Variants in SIPA1L3 observed in about 807,000 individuals in gnomAD.
SIPA1L3 encodes signal induced proliferation associated 1 like 3.
In SIPA1L3, 59 loss-of-function variants were observed where a neutral mutation model predicts 150.1. That is an observed-to-expected ratio of 0.39 (90% CI 0.32 to 0.49). The LOEUF (loss-of-function observed/expected upper bound fraction) is 0.49. SIPA1L3 is among the 20% of genes least tolerant of loss of function. SIPA1L3 has a pLI of 0.86. For synonymous variants in SIPA1L3, 1,070 were observed against 1,077.6 expected (o/e 0.99, Z 0.14); for missense variants, 2,211 against 2,489.5 (o/e 0.89, Z 2.38).
At chr19:37,924,433 T>C (rs4802147) in intron 1 of SIPA1L3, among the ~76,000 whole-genome samples, 53,968 of 145,870 alleles carry the variant, frequency 0.37, 12,769 homozygotes, top group East Asian at 0.7. Context: ...TTTTTTTGTA[T>C]ATAAGTAGAA....
chr19:38,141,221 C>T lies in SIPA1L3; in HGVS notation c.3181C>T (p.Pro1061Ser), dbSNP rs771595245. 3.1e-6 allele frequency: 5 copies of T among 1,612,022 alleles called. No individual in the cohort carries two copies. In the African/African-American group the frequency reaches 5.3e-5, roughly 17 times the overall value. ...GACCTACGACATGAATACCTCGGAG[C>T]CCAAGACGGAGCAGGAAAGCATCAC... is the stretch of plus-strand genomic sequence containing the variant. The part of the protein sequence containing the change: ...PETYDMNTSE[P>S]KTEQESITPG... Residue 1061 changes from proline to serine, a missense_variant, in exon 11 of 22, where the codon CCC (proline) becomes TCC (serine). Pro to Ser is a moderately conservative substitution (Grantham distance 74). This residue lies in a region of SIPA1L3 where 625 missense variants were observed against 804.2 expected (regional missense o/e 0.78). Transcript: ENST00000222345.
chr19:38,058,885 G>A (rs1470278905), intron 2 of SIPA1L3, among the ~76,000 whole-genome samples: 13 of 152,130 alleles, frequency 8.5e-5, no homozygotes, highest in African/African-American at 2.7e-4. Context: ...TTAGCCAGGC[G>A]TGGTGGTGCA....
intron 15 of SIPA1L3, among the ~76,000 whole-genome samples, chr19:38,180,841 G>A (rs556335105): frequency 4.5e-4 from 68 of 152,190 alleles, no homozygotes; most frequent in Admixed American, 1.6e-3. Flanking sequence ...CACCGCGCCC[G>A]GCCAGCATTT....
chr19:38,030,642 A>ATATATATGTATATATATATG (rs1568510522), intron 2 of SIPA1L3, among the ~76,000 whole-genome samples: 31 of 75,326 alleles, frequency 4.1e-4, no homozygotes, highest in African/African-American at 1.2e-3. Context: ...ATATATATAT[A>ATATATATGTATATATATATG]TATATATATG....
Position 38,082,615 on chromosome 19 carries a change from C to A in SIPA1L3, c.1050C>A (p.Phe350Leu). The A allele has an allele frequency of 6.2e-7, 1 of 1,604,484 alleles. No individual in the cohort carries two copies. The highest frequency in any genetic ancestry group is 8.5e-7 in the Non-Finnish European group (1 of 1,179,760). Residue 350 changes from phenylalanine to leucine, a missense_variant, in exon 3 of 22, where the codon TTC becomes TTA. By Grantham distance (22) the Phe-to-Leu change is conservative. Transcript: ENST00000222345. ...FAHFDVQSMLFDLNEAAANRV... is the reference protein window; with the variant it reads ...FAHFDVQSMLLDLNEAAANRV... Reference sequence around the variant, plus strand: ...ACTTCGACGTGCAGAGCATGCTGTTCGACCTCAACGAGGCGGCCGCCAACA... The same window carrying A: ...ACTTCGACGTGCAGAGCATGCTGTTAGACCTCAACGAGGCGGCCGCCAACA...
intron 7 of SIPA1L3, 22 bp from the exon 8 acceptor site, chr19:38,110,205 C>A (rs752850894): frequency 6.2e-7 from 1 of 1,612,096 alleles, no homozygotes; most frequent in Middle Eastern, 1.7e-4. Context: ...GGTTCCTGTC[C>A]CCCTCTGTTG....
chr19:38,141,706 G>T (rs1971590120), intron 11 of SIPA1L3, among the ~76,000 whole-genome samples: 1 of 152,194 alleles, frequency 6.6e-6, no homozygotes, highest in Non-Finnish European at 1.5e-5. Context: ...TTTTAGGCTG[G>T]GCACGGTGGC....
Position 38,119,470 on chromosome 19 carries a change from G to A in SIPA1L3, c.2456G>A (p.Arg819Lys). 1 of 1,614,208 alleles carries A rather than the reference G, an allele frequency of 6.2e-7. No homozygotes were observed. The highest frequency in any genetic ancestry group is 1.1e-5 in the South Asian group (1 of 91,080). Residue 819 changes from arginine (R) to lysine (K), a missense_variant, in exon 9 of 22, where the codon AGG becomes AAG. By Grantham distance (26) the Arg-to-Lys change is conservative. Transcript: ENST00000222345. ...GACAAGTTCCACACCATGGCCACCA[G>A]GACCCGCCAGGAGTATCTCAAGGAC... ...KSDKFHTMAT[R>K]TRQEYLKDLA...
At chr19:37,918,018 G>T (rs967415044) in intron 1 of SIPA1L3, among the ~76,000 whole-genome samples, 5 of 151,554 alleles carry the variant, frequency 3.3e-5, no homozygotes, top group African/African-American at 1.2e-4. Context: ...AAAAAAAGAA[G>T]TCCCAGTTTG....
intron 1 of SIPA1L3, among the ~76,000 whole-genome samples, chr19:37,943,036 T>C (rs1311445126): frequency 8.1e-5 from 11 of 136,314 alleles, no homozygotes; most frequent in East Asian, 7.2e-4. Flanking sequence ...CTCTCTCTCT[T>C]TTTTTTTTTT....
intron 8 of SIPA1L3, among the ~76,000 whole-genome samples, chr19:38,116,585 C>T (rs1428597663): frequency 6.6e-6 from 1 of 150,874 alleles, no homozygotes; most frequent in Non-Finnish European, 1.5e-5. Context: ...CGGTGGCTCA[C>T]ACCTGTAATG....
chr19:37,949,803 G>A (rs1339585225), intron 1 of SIPA1L3, among the ~76,000 whole-genome samples: 1 of 152,172 alleles, frequency 6.6e-6, no homozygotes, highest in East Asian at 1.9e-4. Context: ...CATTGGCCGG[G>A]TGCAGTGGCT....
At chr19:37,947,108 T>TG (rs1324414809) in intron 1 of SIPA1L3, among the ~76,000 whole-genome samples, 1 of 151,964 alleles carries the variant, frequency 6.6e-6, no homozygotes, top group Non-Finnish European at 1.5e-5. Flanking sequence ...GTGGGAGGAT[T>TG]GCTTGAGCCC....
chr19:38,085,779 G>A (rs1255161069), intron 3 of SIPA1L3, among the ~76,000 whole-genome samples: 2 of 152,170 alleles, frequency 1.3e-5, no homozygotes, highest in African/African-American at 4.8e-5. Context: ...CAGATCACGT[G>A]GGGTCAGGAG....
At position 38,119,548 on chromosome 19, in the gene SIPA1L3, A is replaced by G. The variant is rs145626994; in HGVS notation, c.2534A>G (p.Asn845Ser). 5 of 1,614,114 alleles carry G rather than the reference A, an allele frequency of 3.1e-6. No individual in the cohort carries two copies. The highest frequency in any genetic ancestry group is 2.2e-5 in the East Asian group (1 of 44,882). The change falls in exon 9 of 22, where the codon AAC becomes AGC. Residue 845 changes from asparagine (N) to serine (S), a missense_variant. Asn to Ser is a conservative substitution (Grantham distance 46). Around this residue, in one of 5 missense-constraint regions of SIPA1L3, gnomAD observed 625 missense variants for 804.2 expected, o/e 0.78. Coordinates refer to ENST00000222345, the MANE Select transcript of SIPA1L3 (RefSeq NM_015073.3). ...CCCATCGACTCCACCGGCAAATTCA[A>G]CCTCATCTCCCTGACCTCCAAGAAG... ...NTPIDSTGKF[N>S]LISLTSKKKE...
chr19:38,183,046 C>A, intron 16 of SIPA1L3: 1 of 318,632 alleles, frequency 3.1e-6, no homozygotes. Context: ...CTGCAGAGGT[C>A]CTGAGGCAGT....
chr19:38,179,694 T>C (rs1357830096), intron 15 of SIPA1L3, among the ~76,000 whole-genome samples: 3 of 152,188 alleles, frequency 2.0e-5, no homozygotes, highest in Non-Finnish European at 4.4e-5. Context: ...TTATACAGTC[T>C]TATGTCTTTA....
intron 13 of SIPA1L3, among the ~76,000 whole-genome samples, chr19:38,161,969 G>T (rs1248299312): frequency 6.6e-6 from 1 of 152,208 alleles, no homozygotes. Context: ...TTCAACCCAG[G>T]AGTTCAAGGT....
intron 1 of SIPA1L3, among the ~76,000 whole-genome samples, chr19:37,944,003 T>C (rs1319952557): frequency 6.6e-6 from 1 of 152,088 alleles, no homozygotes; most frequent in African/African-American, 2.4e-5. Flanking sequence ...AGAGAAAGCA[T>C]GGGCCGGACA....
Sources: gnomAD v4.1 joint callset for allele counts (sites outside exome capture counted in the v4.1 genomes callset) on GRCh38, gnomAD v4.1.1 for gene constraint, gnomAD v4.1.1 regional missense constraint, MANE v1.5 for transcripts, NCBI Gene and HGNC (gene_info 2026-07-23, HGNC 2026-07-21) for gene names.